MAPK9: variants seen among roughly 807,000 people sequenced by gnomAD.
MAPK9 encodes Jun kinase.
A neutral mutation model predicts 57.1 loss-of-function variants in MAPK9; 30 were observed. The ratio of observed to expected loss-of-function variants is 0.53; its 90% CI spans 0.39 to 0.71. The LOEUF is 0.71. Among genes scored for constraint, MAPK9 ranks in the 30% least tolerant of loss-of-function variants. MAPK9 has a pLI of 0.00. For synonymous variants in MAPK9, 155 were observed against 177.0 expected, an observed-to-expected ratio of 0.88 and a Z score of 0.99; for missense variants, 362 against 521.0, an observed-to-expected ratio of 0.69 and a Z score of 2.97.
At chr5:180,281,982 A>G (rs1388503827) in intron 1 of MAPK9, among the ~76,000 whole-genome samples, 3 of 152,186 alleles carry the variant, frequency 2.0e-5, no homozygotes, top group Non-Finnish European at 4.4e-5. Context: ...TCTAGGGCTG[A>G]GTGAGCTGGA....
At chr5:180,249,542 C>G (rs1758460628) in intron 5 of MAPK9, among the ~76,000 whole-genome samples, 1 of 152,066 alleles carries the variant, frequency 6.6e-6, no homozygotes, top group Admixed American at 6.5e-5. Context: ...ACACACGGCC[C>G]CCTCCTGCTC....
intron 2 of MAPK9, among the ~76,000 whole-genome samples, chr5:180,278,138 T>C (rs1011707374): frequency 1.3e-5 from 2 of 152,206 alleles, no homozygotes; most frequent in Non-Finnish European, 2.9e-5. Context: ...CCTATCAAAG[T>C]ATCAGTGGTT....
intron 5 of MAPK9, chr5:180,258,043 G>A (rs1393696902): frequency 6.6e-6 from 1 of 152,460 alleles, no homozygotes; most frequent in East Asian, 1.9e-4. Context: ...AACACACACT[G>A]GTAACAGGCC....
intron 2 of MAPK9, among the ~76,000 whole-genome samples, chr5:180,273,993 T>C (rs1288709843): frequency 6.6e-6 from 1 of 152,212 alleles, no homozygotes; most frequent in East Asian, 1.9e-4. Context: ...CTTTGTTTTT[T>C]AAGACGACTG....
chr5:180,255,385 C>T (rs753115670), intron 5 of MAPK9, among the ~76,000 whole-genome samples: 11 of 152,076 alleles, frequency 7.2e-5, no homozygotes, highest in African/African-American at 1.4e-4. Context: ...ACAGCCCCTT[C>T]GAGCAGGTGC....
chr5:180,240,569 C>A (rs1757561641), intron 9 of MAPK9, among the ~76,000 whole-genome samples: 1 of 152,258 alleles, frequency 6.6e-6, no homozygotes, highest in South Asian at 2.1e-4. Flanking sequence ...CTCACTCACA[C>A]CAGTGCTGAC....
intron 1 of MAPK9, among the ~76,000 whole-genome samples, chr5:180,291,212 G>A (rs1028440704): frequency 1.3e-5 from 2 of 152,044 alleles, no homozygotes; most frequent in Non-Finnish European, 2.9e-5. Context: ...TCTGGGGGAG[G>A]GGCGCGGTGG....
At chr5:180,267,941 C>T (rs756457217) in intron 3 of MAPK9, among the ~76,000 whole-genome samples, 3 of 152,162 alleles carry the variant, frequency 2.0e-5, no homozygotes, top group Non-Finnish European at 4.4e-5. Context: ...CAGCTCACTG[C>T]AAGCTCTGCC....
At chr5:180,284,443 C>T (rs1228732546) in intron 1 of MAPK9, among the ~76,000 whole-genome samples, 2 of 152,196 alleles carry the variant, frequency 1.3e-5, no homozygotes, top group East Asian at 3.8e-4. Flanking sequence ...TGGGAGGGAA[C>T]GCTACAAGGA....
intron 5 of MAPK9, among the ~76,000 whole-genome samples, chr5:180,257,055 C>T (rs1759364258): frequency 6.6e-6 from 1 of 152,032 alleles, no homozygotes; most frequent in African/African-American, 2.4e-5. Context: ...GCAAAGTCAC[C>T]AATATATTAT....
At chr5:180,285,612 A>AT (rs1762668352) in intron 1 of MAPK9, among the ~76,000 whole-genome samples, 1 of 152,004 alleles carries the variant, frequency 6.6e-6, no homozygotes. Flanking sequence ...TGCTGCCGAC[A>AT]TTTTTTTCAT....
At chr5:180,276,024 T>C (rs1249436240) in intron 2 of MAPK9, among the ~76,000 whole-genome samples, 2 of 152,212 alleles carry the variant, frequency 1.3e-5, no homozygotes, top group South Asian at 2.1e-4. Flanking sequence ...GGTGAAAATA[T>C]TGAGGCCCAT....
At chr5:180,284,056 G>GT (rs887011204) in intron 1 of MAPK9, among the ~76,000 whole-genome samples, 1 of 152,248 alleles carries the variant, frequency 6.6e-6, no homozygotes, top group Admixed American at 6.5e-5. Flanking sequence ...TTTGGGCTTT[G>GT]TGAGAGCAAG....
chr5:180,267,522 A>C (rs992000264), intron 3 of MAPK9, among the ~76,000 whole-genome samples: 18 of 146,176 alleles, frequency 1.2e-4, no homozygotes, highest in African/African-American at 3.8e-4. Context: ...AGATCGCGCC[A>C]CTGCCCTCCA....
intron 2 of MAPK9, among the ~76,000 whole-genome samples, chr5:180,272,669 T>G (rs987169081): frequency 3.9e-5 from 6 of 152,250 alleles, no homozygotes; most frequent in Admixed American, 6.5e-5. Flanking sequence ...ACTCATCCAT[T>G]GTTGCTGTAT....
intron 2 of MAPK9, among the ~76,000 whole-genome samples, chr5:180,272,727 T>G (rs1761453536): frequency 6.6e-6 from 1 of 152,240 alleles, no homozygotes; most frequent in Non-Finnish European, 1.5e-5. Flanking sequence ...TTTGTATAAC[T>G]ATATCACATT....
intron 9 of MAPK9, among the ~76,000 whole-genome samples, chr5:180,240,661 G>C (rs566971342): frequency 4.6e-5 from 7 of 152,216 alleles, no homozygotes; most frequent in Non-Finnish European, 1.0e-4. Flanking sequence ...CTTTAGGGAA[G>C]GATAAACAGA....
chr5:180,284,936 T>C (rs2127629235), intron 1 of MAPK9, among the ~76,000 whole-genome samples: 1 of 152,244 alleles, frequency 6.6e-6, no homozygotes, highest in South Asian at 2.1e-4. Context: ...ACATACACAA[T>C]GCTGGCAAGT....
chr5:180,273,952 CA>C (rs1390316866), intron 2 of MAPK9, among the ~76,000 whole-genome samples: 1 of 151,808 alleles, frequency 6.6e-6, no homozygotes, highest in African/African-American at 2.4e-5. Flanking sequence ...TTTATTTTTA[CA>C]TATAAATTTT....
Sources: allele counts gnomAD v4.1 joint callset (sites outside exome capture counted in the v4.1 genomes callset), GRCh38; gene constraint gnomAD v4.1.1; transcripts MANE v1.5; gene names NCBI Gene and HGNC (gene_info 2026-07-23, HGNC 2026-07-21).